PIK3C2B: variants seen among roughly 807,000 people sequenced by gnomAD.
PIK3C2B encodes phosphatidylinositol-4-phosphate 3-kinase catalytic subunit type 2 beta, also known as phosphatidylinositol 4-phosphate 3-kinase C2 domain-containing subunit beta.
In PIK3C2B, 83 loss-of-function variants were observed where a neutral mutation model predicts 184.3. That is an observed-to-expected ratio of 0.45 (90% confidence interval 0.38 to 0.54). PIK3C2B has a LOEUF of 0.54. Ranked by LOEUF, PIK3C2B falls within the 20% of genes least tolerant of loss-of-function variation. The pLI, the probability that PIK3C2B is intolerant of heterozygous loss-of-function variation, is 0.00. For missense variants in PIK3C2B, 1,736 were observed against 2,113.5 expected (o/e 0.82, Z 3.50); for synonymous variants, 779 against 837.6 (o/e 0.93, Z 1.21).
intron 20 of PIK3C2B, 63 bp downstream of exon 20, chr1:204,442,463 G>T: frequency 4.6e-6 from 5 of 1,078,814 alleles, no homozygotes; most frequent in Middle Eastern, 2.1e-4. Flanking sequence ...TGCCTGGTTA[G>T]TGAAGACCTC....
chr1:204,441,445 A>T, intron 21 of PIK3C2B, 26 bp downstream of exon 21: 2 of 1,522,708 alleles, frequency 1.3e-6, no homozygotes, highest in Non-Finnish European at 1.8e-6. Context: ...ACCCTGGTCC[A>T]CCAGGCTTGA....
chr1:204,462,635 G>A (rs1655428926), intron 5 of PIK3C2B, among the ~76,000 whole-genome samples: 1 of 152,190 alleles, frequency 6.6e-6, no homozygotes, highest in Admixed American at 6.5e-5. Flanking sequence ...TGAGTTTAAA[G>A]GTGGGGCACA....
intron 1 of PIK3C2B, among the ~76,000 whole-genome samples, chr1:204,493,528 C>CACACACAA: frequency 6.7e-6 from 1 of 149,034 alleles, no homozygotes; most frequent in Non-Finnish European, 1.5e-5. Flanking sequence ...GCAGAAAACA[C>CACACACAA]ACACACACAC....
chr1:204,468,880 G>C lies in PIK3C2B; in HGVS notation c.923C>G (p.Ser308Cys). The change falls in exon 2 of 33, where the codon TCT (serine) becomes TGT (cysteine). Residue 308 changes from serine to cysteine, a missense_variant. Around this residue, in one of 8 missense-constraint regions of PIK3C2B, gnomAD observed 404 missense variants for 418.0 expected, o/e 0.97. Coordinates refer to ENST00000684373, the MANE Select transcript of PIK3C2B (RefSeq NM_001377334.1). ...CAAGAAGGTCCTCACCGGGGCTGCA[G>C]AAATCCGGCGGTTCTTGCCAGGCGT... ...NATPGKNRRI[S>C]AAPVGSRPHT... 6.3e-7 allele frequency: 1 copy of C among 1,585,444 alleles called. No individual in the cohort carries two copies. The highest frequency in any genetic ancestry group is 1.2e-5 in the South Asian group (1 of 86,184).
chr1:204,465,121 T>C (rs966700986), intron 3 of PIK3C2B, 98 bp downstream of exon 3: 20 of 748,784 alleles, frequency 2.7e-5, no homozygotes, highest in Non-Finnish European at 3.9e-5. Flanking sequence ...TTACTTATTA[T>C]GGTGCTTCTT....
At chr1:204,428,534 T>G (rs1470753105) in intron 29 of PIK3C2B, among the ~76,000 whole-genome samples, 1 of 152,246 alleles carries the variant, frequency 6.6e-6, no homozygotes, top group Non-Finnish European at 1.5e-5. Context: ...TTTACTTTGT[T>G]TGTTTGTTTG....
Position 204,460,608 on chromosome 1 carries a change from A to G in PIK3C2B, c.1364T>C (p.Ile455Thr), listed in dbSNP as rs772360731. The G allele has an allele frequency of 1.7e-5, 28 of 1,613,952 alleles. No individual in the cohort carries two copies. Among genetic ancestry groups the G allele is most frequent in the Non-Finnish European group, 2.4e-5 (28 of 1,180,024 alleles). ...EYIQYCRKFD[I>T]DIRLQLMEQK... ...CTCCATCAGCTGTAGCCGAATGTCAATGTCAAACTTGCGGCAGTATTGGAT... is the reference window on the plus strand; with the variant it reads ...CTCCATCAGCTGTAGCCGAATGTCAGTGTCAAACTTGCGGCAGTATTGGAT... Residue 455 changes from isoleucine to threonine, a missense_variant, in exon 6 of 33, where the codon ATT becomes ACT. Physicochemically the swap from Ile to Thr is moderately conservative, Grantham distance 89. Around this residue, in one of 8 missense-constraint regions of PIK3C2B, gnomAD observed 609 missense variants for 699.2 expected, o/e 0.87. Transcript: ENST00000684373.
chr1:204,434,067 G>A (rs1370054414), intron 24 of PIK3C2B, 118 bp from the exon 25 acceptor site: 14 of 775,256 alleles, frequency 1.8e-5, no homozygotes, highest in Non-Finnish European at 3.0e-5. Flanking sequence ...TGGATAGAAG[G>A]GGCTCTAACT....
At chr1:204,429,833 C>T (rs750160983) in intron 29 of PIK3C2B, 88 bp downstream of exon 29, 4 of 840,352 alleles carry the variant, frequency 4.8e-6, no homozygotes, top group Non-Finnish European at 8.1e-6. Context: ...CTGTTCCTGA[C>T]TCCTAGTGCC....
chr1:204,454,481 CAAAAA>C (rs577930655), intron 12 of PIK3C2B, 183 bp downstream of exon 12: 1,278 of 256,960 alleles, frequency 5.0e-3, no homozygotes, highest in Middle Eastern at 8.6e-3. Context: ...GGCTGCCTCT[CAAAAA>C]AAAAAAAAAA....
At chr1:204,467,129 A>T (rs1048884251) in intron 2 of PIK3C2B, 8 of 356,794 alleles carry the variant, frequency 2.2e-5, no homozygotes, top group Non-Finnish European at 3.9e-5. Flanking sequence ...CTCTGATGAC[A>T]TGCAGGGGAT....
chr1:204,464,246 C>T, intron 4 of PIK3C2B, 114 bp from the exon 5 acceptor site: 1 of 1,307,064 alleles, frequency 7.7e-7, no homozygotes, highest in Non-Finnish European at 1.1e-6. Context: ...CCATCACCAA[C>T]CAGATAAAGC....
chr1:204,454,714 G>A lies in PIK3C2B; in HGVS notation c.2021C>T (p.Ala674Val), dbSNP rs200864671. Residue 674 changes from alanine to valine, a missense_variant, in exon 12 of 33, where the codon GCT becomes GTT. Ala to Val is a moderately conservative substitution (Grantham distance 64). This residue lies in a region of PIK3C2B where 609 missense variants were observed against 699.2 expected (regional missense o/e 0.87). Transcript: ENST00000684373. Reference sequence around the variant, plus strand: ...GTGGAAGAGGTACTTGGAGAAGTGAGCTCTTCGGGTCTGCAGGGGGCTGCA... The same window carrying A: ...GTGGAAGAGGTACTTGGAGAAGTGAACTCTTCGGGTCTGCAGGGGGCTGCA... ...ELCSPLQTRR[A>V]HFSKYLFHLI... is the part of the protein sequence containing the mutation. The A allele has an allele frequency of 7.9e-5, 127 of 1,613,490 alleles. No homozygotes were observed. Among genetic ancestry groups the A allele is most frequent in the Non-Finnish European group, 9.6e-5 (113 of 1,179,952 alleles).
chr1:204,426,985 C>A (rs1286133306), intron 31 of PIK3C2B, among the ~76,000 whole-genome samples: 1 of 152,090 alleles, frequency 6.6e-6, no homozygotes, highest in Non-Finnish European at 1.5e-5. Flanking sequence ...TTAAAAAATA[C>A]AAAAATTAGC....
chr1:204,425,868 T>C, intron 31 of PIK3C2B, 127 bp from the exon 32 acceptor site: 1 of 782,124 alleles, frequency 1.3e-6, no homozygotes, highest in East Asian at 2.5e-5. Flanking sequence ...GCACAACTAA[T>C]TTATTTGTCT....
intron 1 of PIK3C2B, among the ~76,000 whole-genome samples, chr1:204,491,055 G>C (rs924665653): frequency 3.3e-5 from 5 of 152,092 alleles, no homozygotes; most frequent in African/African-American, 1.2e-4. Context: ...GATGTCCCAG[G>C]CTGGTGACGT....
chr1:204,438,921 A>G lies in PIK3C2B; in HGVS notation c.3516+14T>C. On this transcript the variant is annotated intron_variant, in intron 23 of 32. Transcript: ENST00000684373. Reference sequence around the variant, plus strand: ...CACACACACACCAGACGCACTCCCCACCCACAACCCTACCTTCTCATACTC... The same window carrying G: ...CACACACACACCAGACGCACTCCCCGCCCACAACCCTACCTTCTCATACTC... 6.2e-7 allele frequency: 1 copy of G among 1,611,622 alleles called. No homozygotes were observed. The highest frequency in any genetic ancestry group is 1.3e-5 in the African/African-American group (1 of 74,968).
intron 14 of PIK3C2B, among the ~76,000 whole-genome samples, chr1:204,448,390 C>T (rs1654055340): frequency 6.6e-6 from 1 of 152,168 alleles, no homozygotes; most frequent in Non-Finnish European, 1.5e-5. Context: ...GCATGAGCCA[C>T]CACACCCAGC....
rs1656096259 is a variant in PIK3C2B, at chr1:204,469,275, C to A, written c.528G>T (p.Gly176=). 6.4e-7 allele frequency: 1 copy of A among 1,552,622 alleles called. No homozygotes were observed. Residue 176 remains glycine (G), a synonymous_variant, in exon 2 of 33, where the codon GGG becomes GGT. Coordinates refer to ENST00000684373, the MANE Select transcript of PIK3C2B (RefSeq NM_001377334.1). ...WDTPPLPPRK[G]SPSSSKISQP... ...GGGAGATCTTGGAGGATGAGGGGGA[C>A]CCCTTTCTGGGAGGCAGGGGAGGGG...
Sources: gnomAD v4.1 joint callset for allele counts (sites outside exome capture counted in the v4.1 genomes callset) on GRCh38, gnomAD v4.1.1 for gene constraint, gnomAD v4.1.1 regional missense constraint, MANE v1.5 for transcripts, NCBI Gene and HGNC (gene_info 2026-07-23, HGNC 2026-07-21) for gene names.